Variants in PPP2R2B observed in about 807,000 individuals in gnomAD.
The protein encoded by PPP2R2B is serine/threonine-protein phosphatase 2A 55 kDa regulatory subunit B beta isoform.
Under a neutral mutation model 46.0 loss-of-function variants are expected in PPP2R2B, and 5 were observed. The observed-to-expected ratio is 0.11, with a 90% confidence interval of 0.06 to 0.23. The LOEUF (loss-of-function observed/expected upper bound fraction) is 0.23. Ranked by LOEUF, PPP2R2B falls within the 10% of genes least tolerant of loss-of-function variation. PPP2R2B has a pLI of 1.00. For missense variants in PPP2R2B, 367 were observed against 575.0 expected (o/e 0.64, Z 3.70); for synonymous variants, 215 against 206.7 (o/e 1.04, Z -0.34).
chr5:147,054,528 C>T (rs979877686), intron 1 of PPP2R2B: 2 of 440,222 alleles, frequency 4.5e-6, no homozygotes, highest in East Asian at 7.1e-5. Context: ...AAAAATACCA[C>T]CCTCAGTCTC....
At chr5:146,742,325 A>T (rs943797249) in intron 2 of PPP2R2B, among the ~76,000 whole-genome samples, 5 of 152,106 alleles carry the variant, frequency 3.3e-5, no homozygotes, top group African/African-American at 1.2e-4. Flanking sequence ...GGATACCAAA[A>T]TCTTACCGTT....
chr5:147,015,380 A>G (rs755713872), intron 1 of PPP2R2B, among the ~76,000 whole-genome samples: 1 of 151,582 alleles, frequency 6.6e-6, no homozygotes, highest in African/African-American at 2.4e-5. Flanking sequence ...TTCTTCATCA[A>G]TATTCTTTTG....
At chr5:146,833,626 A>G (rs982904274) in intron 2 of PPP2R2B, among the ~76,000 whole-genome samples, 1 of 152,240 alleles carries the variant, frequency 6.6e-6, no homozygotes, top group African/African-American at 2.4e-5. Context: ...CAGTTTCTCC[A>G]TTCTCTGAGG....
chr5:146,625,584 G>T (rs1286727818), intron 7 of PPP2R2B, among the ~76,000 whole-genome samples: 1 of 152,072 alleles, frequency 6.6e-6, no homozygotes, highest in Non-Finnish European at 1.5e-5. Context: ...TAAATGTATG[G>T]TATTAAGTGC....
At chr5:146,675,873 TTA>T (rs1346889047) in intron 5 of PPP2R2B, among the ~76,000 whole-genome samples, 1 of 151,882 alleles carries the variant, frequency 6.6e-6, no homozygotes, top group Non-Finnish European at 1.5e-5. Context: ...AGGTAATGAT[TTA>T]TATGTCGTAA....
chr5:146,929,617 G>C (rs1763900961), intron 1 of PPP2R2B, among the ~76,000 whole-genome samples: 1 of 152,022 alleles, frequency 6.6e-6, no homozygotes, highest in Non-Finnish European at 1.5e-5. Flanking sequence ...TAAAAGTTAT[G>C]AGAAGTCCTA....
chr5:146,717,223 T>C (rs529841402), intron 2 of PPP2R2B, among the ~76,000 whole-genome samples: 1 of 152,350 alleles, frequency 6.6e-6, no homozygotes, highest in African/African-American at 2.4e-5. Context: ...AAGGCCATTT[T>C]CAGAAATGCT....
chr5:146,742,901 A>T (rs889284692), intron 2 of PPP2R2B, among the ~76,000 whole-genome samples: 5 of 152,202 alleles, frequency 3.3e-5, no homozygotes, highest in African/African-American at 1.2e-4. Context: ...GGGGTGATGC[A>T]TCTGCAAGCC....
At position 146,588,353 on chromosome 5, in the gene PPP2R2B, T is replaced by TA. The variant is rs1435233194; in HGVS notation, c.*1593dup. 1 of 152,248 alleles carries TA rather than the reference T, an allele frequency of 6.6e-6. No individual in the cohort carries two copies. The highest frequency in any genetic ancestry group is 1.5e-5 in the Non-Finnish European group (1 of 68,038). The allele number at this position is 152,248 out of a possible 1,614,324, so 9.4% of individuals were successfully genotyped here. Reference sequence around the variant, plus strand: ...AATGGATAGTAGCTTAGAATTGAGATAAAATGATTCTTTCACTATTTTTTC... The same window carrying TA: ...AATGGATAGTAGCTTAGAATTGAGATAAAAATGATTCTTTCACTATTTTTTC... On this transcript the variant is annotated 3_prime_UTR_variant, in exon 10 of 10. Transcript: ENST00000394411.
chr5:146,956,729 A>G (rs1751930077), intron 1 of PPP2R2B, among the ~76,000 whole-genome samples: 1 of 152,092 alleles, frequency 6.6e-6, no homozygotes. Context: ...AACAACAAAC[A>G]TTTACTTCTC....
intron 5 of PPP2R2B, among the ~76,000 whole-genome samples, chr5:146,689,734 A>T (rs1778725751): frequency 1.3e-5 from 2 of 152,220 alleles, no homozygotes; most frequent in Non-Finnish European, 2.9e-5. Flanking sequence ...TCCAGCCTCC[A>T]AAACCCCTGC....
chr5:146,818,664 T>A (rs1758075593), intron 2 of PPP2R2B, among the ~76,000 whole-genome samples: 3 of 152,222 alleles, frequency 2.0e-5, no homozygotes, highest in African/African-American at 7.2e-5. Context: ...TCATTTTTTC[T>A]ACTTTACAGA....
exon 1 of PPP2R2B, chr5:147,081,351 T>C: frequency 6.6e-7 from 1 of 1,506,496 alleles, no homozygotes; most frequent in Non-Finnish European, 8.9e-7. Context: ...CTGCTCTGTC[T>C]CCTCCGTTTG....
In PPP2R2B at chr5:146,963,279, T is replaced by C. The variant is rs560432088; in HGVS notation, c.79+92386A>G. ...CATGGAGGTTTTGTGTAGTGAAACA[T>C]TGGGCTGACATCGCCTAGGGAATTT... On this transcript the variant is annotated intron_variant, in intron 1 of 8. Coordinates refer to the PPP2R2B transcript ENST00000336640. 1.8e-4 allele frequency among the ~76,000 whole-genome samples: 28 copies of C among 152,320 alleles called. 1 individual carries two copies. The South Asian group carries it at 2.9e-3, about 16-fold the overall frequency.
chr5:146,737,242 C>G (rs556123230), intron 2 of PPP2R2B, among the ~76,000 whole-genome samples: 1 of 152,300 alleles, frequency 6.6e-6, no homozygotes, highest in South Asian at 2.1e-4. Flanking sequence ...CAAGTGCCTT[C>G]TAGGCATATA....
chr5:146,709,172 G>A (rs1262756180), intron 2 of PPP2R2B, among the ~76,000 whole-genome samples: 1 of 152,280 alleles, frequency 6.6e-6, no homozygotes, highest in East Asian at 1.9e-4. Flanking sequence ...TCAACCTGGT[G>A]CTGGTTTACC....
chr5:146,902,752 G>C (rs765421107), intron 1 of PPP2R2B, among the ~76,000 whole-genome samples: 2 of 152,108 alleles, frequency 1.3e-5, no homozygotes, highest in South Asian at 2.1e-4. Flanking sequence ...GCTGATAATC[G>C]TCCTCCCAAG....
chr5:146,687,785 T>G (rs1427055583), intron 5 of PPP2R2B, among the ~76,000 whole-genome samples: 1 of 152,052 alleles, frequency 6.6e-6, no homozygotes, highest in Non-Finnish European at 1.5e-5. Context: ...AAAAGCTGAG[T>G]CTCTCAGCGC....
chr5:146,749,479 T>C (rs1328935537), intron 2 of PPP2R2B, among the ~76,000 whole-genome samples: 1 of 152,166 alleles, frequency 6.6e-6, no homozygotes, highest in Non-Finnish European at 1.5e-5. Flanking sequence ...TAAGAACTCT[T>C]TGCTTAGCCT....
Sources: allele counts gnomAD v4.1 joint callset (sites outside exome capture counted in the v4.1 genomes callset), GRCh38; gene constraint gnomAD v4.1.1; transcripts MANE v1.5; gene names NCBI Gene and HGNC (gene_info 2026-07-23, HGNC 2026-07-21).